The following GALNT13 variants were observed in gnomAD, a reference collection of about 807,000 sequenced individuals.
GALNT13 encodes UDP-GalNAc:polypeptide N-acetylgalactosaminyltransferase 13.
GALNT13 carries 28 observed loss-of-function variants against 64.2 expected under a neutral mutation model. The observed-to-expected ratio is 0.44, with a 90% CI of 0.32 to 0.60. The LOEUF is 0.60. Ranked by LOEUF, GALNT13 falls within the 20% of genes least tolerant of loss-of-function variation. The pLI is 0.05. For missense variants in GALNT13, 577 were observed against 669.8 expected (o/e 0.86, Z 1.53); for synonymous variants, 214 against 224.6 (o/e 0.95, Z 0.42).
At chr2:153,228,869 C>CAAAAA in the GALNT13 span, among the ~76,000 whole-genome samples, 2 of 68,630 alleles carry the variant, frequency 2.9e-5, no homozygotes, top group Non-Finnish European at 2.7e-5. Context: ...GAGACTGTCT[C>CAAAAA]AAAAAAAAAA....
intron 4 of GALNT13, among the ~76,000 whole-genome samples, chr2:154,174,882 T>A (rs939869409): frequency 1.3e-5 from 2 of 152,168 alleles, no homozygotes; most frequent in African/African-American, 4.8e-5. Context: ...ATTTTCAGTC[T>A]TGGGAAATGA....
the GALNT13 span, among the ~76,000 whole-genome samples, chr2:153,590,890 C>A: frequency 6.6e-6 from 1 of 152,000 alleles, no homozygotes; most frequent in Non-Finnish European, 1.5e-5. Flanking sequence ...TGAAAACATT[C>A]CCTTTAGAAA....
chr2:153,872,875 G>T (rs1398625269), intron 1 of GALNT13, among the ~76,000 whole-genome samples: 1 of 152,120 alleles, frequency 6.6e-6, no homozygotes, highest in Non-Finnish European at 1.5e-5. Context: ...CTCGCCGTGT[G>T]TGTCTCTGCC....
chr2:153,679,079 G>C, the GALNT13 span, among the ~76,000 whole-genome samples: 1 of 152,070 alleles, frequency 6.6e-6, no homozygotes, highest in South Asian at 2.1e-4. Context: ...AGACAAGCAT[G>C]AGTACTAGCT....
chr2:153,181,831 CAT>C, the GALNT13 span, among the ~76,000 whole-genome samples: 1 of 143,332 alleles, frequency 7.0e-6, no homozygotes, highest in African/African-American at 2.6e-5. Flanking sequence ...TATAATATAA[CAT>C]AATTTATATA....
chr2:153,867,434 C>T (rs553005351), upstream of GALNT13, among the ~76,000 whole-genome samples: 2 of 152,116 alleles, frequency 1.3e-5, no homozygotes, highest in African/African-American at 4.8e-5. Flanking sequence ...CAATTTTCTT[C>T]TAGAATTTAT....
At chr2:154,152,186 C>A (rs377616138) in intron 4 of GALNT13, among the ~76,000 whole-genome samples, 18 of 152,160 alleles carry the variant, frequency 1.2e-4, no homozygotes, top group South Asian at 4.1e-4. Flanking sequence ...TCCTTCACTT[C>A]TGAAGCTTAG....
At chr2:153,438,023 G>A in the GALNT13 span, among the ~76,000 whole-genome samples, 1 of 152,174 alleles carries the variant, frequency 6.6e-6, no homozygotes, top group East Asian at 1.9e-4. Flanking sequence ...CAGGCCTGGT[G>A]GTGACAAAAT....
At chr2:153,541,493 C>T in the GALNT13 span, among the ~76,000 whole-genome samples, 243 of 152,280 alleles carry the variant, frequency 1.6e-3, no homozygotes, top group African/African-American at 5.3e-3. Flanking sequence ...AATCCTTCTT[C>T]TCCAGTGTGG....
At chr2:154,126,987 A>C (rs1163553714) in intron 3 of GALNT13, among the ~76,000 whole-genome samples, 1 of 152,224 alleles carries the variant, frequency 6.6e-6, no homozygotes, top group Non-Finnish European at 1.5e-5. Context: ...TATTTGATCA[A>C]TAAGCAATCT....
chr2:153,879,032 T>G (rs1202353207), intron 1 of GALNT13, among the ~76,000 whole-genome samples: 1 of 152,178 alleles, frequency 6.6e-6, no homozygotes, highest in Non-Finnish European at 1.5e-5. Context: ...CTGGGATGGA[T>G]CCACAGAATC....
intron 3 of GALNT13, among the ~76,000 whole-genome samples, chr2:154,052,707 T>G (rs1450162758): frequency 1.3e-5 from 2 of 152,054 alleles, no homozygotes; most frequent in South Asian, 2.1e-4. Context: ...AATGGACACT[T>G]CTTTGTTCAC....
chr2:153,725,630 A>T, the GALNT13 span, among the ~76,000 whole-genome samples: 1 of 152,062 alleles, frequency 6.6e-6, no homozygotes, highest in Non-Finnish European at 1.5e-5. Context: ...GGAAAAATGT[A>T]AAGTTTATGA....
chr2:153,895,636 G>A (rs1687839053), intron 1 of GALNT13, among the ~76,000 whole-genome samples: 1 of 152,082 alleles, frequency 6.6e-6, no homozygotes, highest in Non-Finnish European at 1.5e-5. Flanking sequence ...ACTGGCTGCA[G>A]TAATTGTAAA....
In GALNT13 at chr2:154,242,079, A is replaced by G. The variant is rs1689519450; in HGVS notation, c.361A>G (p.Ile121Val). 6.2e-7 allele frequency: 1 copy of G among 1,609,778 alleles called. No homozygotes were observed. Among genetic ancestry groups the G allele is most frequent in the Non-Finnish European group, 8.5e-7 (1 of 1,176,642 alleles). ...PDELPNTSVV[I>V]VFHNEAWSTL... Reference sequence around the variant, plus strand: ...TGAACTTCCAAACACAAGTGTAGTCATTGTGTTTCATAATGAAGCTTGGAG... The same window carrying G: ...TGAACTTCCAAACACAAGTGTAGTCGTTGTGTTTCATAATGAAGCTTGGAG... The change falls in exon 5 of 13, where the codon ATT (isoleucine) becomes GTT (valine). Residue 121 changes from isoleucine (I) to valine (V), a missense_variant. Ile to Val is a conservative substitution (Grantham distance 29). Transcript: ENST00000392825.
intron 3 of GALNT13, among the ~76,000 whole-genome samples, chr2:154,130,504 T>C (rs770516863): frequency 6.6e-5 from 10 of 152,204 alleles, no homozygotes; most frequent in Admixed American, 1.3e-4. Context: ...CTTAGTCCAG[T>C]ATTATTTTAT....
the GALNT13 span, among the ~76,000 whole-genome samples, chr2:153,318,122 G>GT: frequency 0.51 from 74,496 of 144,764 alleles, 19,645 homozygotes; most frequent in East Asian, 0.75. Context: ...TATTAGGAGA[G>GT]TTTTTTTTTT....
intron 3 of GALNT13, among the ~76,000 whole-genome samples, chr2:153,972,939 T>C (rs1291748017): frequency 6.6e-6 from 1 of 152,082 alleles, no homozygotes; most frequent in African/African-American, 2.4e-5. Context: ...AAGGTAGTCA[T>C]TGAGTTTTAG....
intron 4 of GALNT13, 59 bp downstream of exon 4, chr2:154,140,564 C>T (rs1683205003): frequency 8.0e-7 from 1 of 1,248,724 alleles, no homozygotes; most frequent in Non-Finnish European, 1.1e-6. Flanking sequence ...TTCAGAATCT[C>T]AGAACTTGAG....
Sources: gnomAD v4.1 joint callset for allele counts (sites outside exome capture counted in the v4.1 genomes callset) on GRCh38, gnomAD v4.1.1 for gene constraint, MANE v1.5 for transcripts, NCBI Gene and HGNC (gene_info 2026-07-23, HGNC 2026-07-21) for gene names.